Variants in CDC42BPA observed in about 807,000 individuals in gnomAD.
CDC42BPA encodes the protein CDC42 binding protein kinase alpha.
Under a neutral mutation model 223.5 loss-of-function variants are expected in CDC42BPA, and 80 were observed. The observed-to-expected ratio is 0.36, with a 90% confidence interval of 0.30 to 0.43. CDC42BPA has a LOEUF of 0.43. Ranked by LOEUF, CDC42BPA falls within the 20% of genes least tolerant of loss-of-function variation. The pLI, the probability that CDC42BPA is intolerant of heterozygous loss-of-function variation, is 1.00. For missense variants in CDC42BPA, 1,743 were observed against 2,099.9 expected, an observed-to-expected ratio of 0.83 and a Z score of 3.32; for synonymous variants, 694 against 718.6, an observed-to-expected ratio of 0.97 and a Z score of 0.55.
chr1:227,020,160 T>A (rs1418434136), intron 32 of CDC42BPA, among the ~76,000 whole-genome samples: 1 of 152,184 alleles, frequency 6.6e-6, no homozygotes, highest in Non-Finnish European at 1.5e-5. Flanking sequence ...CCTCCCAAAG[T>A]GCTGGGATTA....
chr1:227,311,284 A>T (rs1247293180), intron 1 of CDC42BPA, among the ~76,000 whole-genome samples: 2 of 152,222 alleles, frequency 1.3e-5, no homozygotes, highest in African/African-American at 4.8e-5. Context: ...TCCTGAGCCC[A>T]GGAGGTTGAG....
chr1:227,231,610 G>C (rs1677976735), intron 2 of CDC42BPA, among the ~76,000 whole-genome samples: 1 of 151,250 alleles, frequency 6.6e-6, no homozygotes, highest in East Asian at 1.9e-4. Flanking sequence ...CAGTGTAAAA[G>C]CGTTCCTATT....
chr1:227,259,416 T>C (rs1440732881), intron 1 of CDC42BPA, among the ~76,000 whole-genome samples: 1 of 150,928 alleles, frequency 6.6e-6, no homozygotes. Context: ...ACAAAGCAGA[T>C]GCATAGAGAA....
intron 10 of CDC42BPA, among the ~76,000 whole-genome samples, chr1:227,133,025 G>A (rs1321433537): frequency 1.3e-5 from 2 of 150,624 alleles, no homozygotes; most frequent in East Asian, 2.0e-4. Flanking sequence ...CAGCCACCCC[G>A]TCCGGGAGGG....
chr1:227,133,023 C>A (rs1404273245), intron 10 of CDC42BPA, among the ~76,000 whole-genome samples: 1 of 151,824 alleles, frequency 6.6e-6, no homozygotes, highest in Non-Finnish European at 1.5e-5. Context: ...GGCAGCCACC[C>A]CGTCCGGGAG....
At chr1:227,065,981 C>A (rs1234229082) in intron 21 of CDC42BPA, among the ~76,000 whole-genome samples, 2 of 152,056 alleles carry the variant, frequency 1.3e-5, no homozygotes, top group African/African-American at 4.8e-5. Flanking sequence ...AAAGAATGTC[C>A]AGAAGGATGT....
intron 5 of CDC42BPA, among the ~76,000 whole-genome samples, chr1:227,161,190 A>G (rs1663824674): frequency 1.3e-5 from 2 of 152,246 alleles, no homozygotes; most frequent in Non-Finnish European, 2.9e-5. Flanking sequence ...TTGGATGTTA[A>G]GTCAATGGTG....
rs544578672 is a variant in CDC42BPA, at chr1:227,245,864, T to C, written c.270+8200A>G. ...GGCCTTGAGGTCTGAGACTACTTGC[T>C]TCAAAGGAGACCCAGCACATTCCCA... On this transcript the variant is annotated intron_variant, in intron 2 of 36. Coordinates refer to ENST00000366766, the MANE Select transcript of CDC42BPA (RefSeq NM_001394014.1). 2.0e-5 allele frequency among the ~76,000 whole-genome samples: 3 copies of C among 152,308 alleles called. No individual in the cohort carries two copies. In the East Asian group the frequency reaches 5.8e-4, roughly 29 times the overall value.
At chr1:227,018,817 A>G (rs1359633220) in intron 32 of CDC42BPA, among the ~76,000 whole-genome samples, 1 of 152,124 alleles carries the variant, frequency 6.6e-6, no homozygotes, top group Non-Finnish European at 1.5e-5. Context: ...GTGCAACAGT[A>G]CGTGTCTAAA....
chr1:227,033,970 T>C (rs542368524), intron 26 of CDC42BPA, among the ~76,000 whole-genome samples: 3 of 152,350 alleles, frequency 2.0e-5, no homozygotes, highest in Non-Finnish European at 4.4e-5. Flanking sequence ...CAATATTTCT[T>C]GCATCTATCC....
chr1:227,146,689 GTC>G (rs1159281259), intron 7 of CDC42BPA, among the ~76,000 whole-genome samples: 1 of 152,054 alleles, frequency 6.6e-6, no homozygotes, highest in African/African-American at 2.4e-5. Flanking sequence ...CTTGTTGTGT[GTC>G]TGTGTTGCTT....
intron 11 of CDC42BPA, among the ~76,000 whole-genome samples, chr1:227,125,448 C>A (rs576261107): frequency 6.6e-6 from 1 of 151,692 alleles, no homozygotes; most frequent in East Asian, 1.9e-4. Flanking sequence ...CCCGTCTCTA[C>A]TAAAAATACA....
intron 1 of CDC42BPA, among the ~76,000 whole-genome samples, chr1:227,304,111 A>G (rs4653817): frequency 0.098 from 14,861 of 152,246 alleles, 1,160 homozygotes; most frequent in East Asian, 0.36. Context: ...ATAAGAAATC[A>G]CTTTTGACCA....
intron 1 of CDC42BPA, among the ~76,000 whole-genome samples, chr1:227,260,524 T>G (rs1683851369): frequency 6.7e-6 from 1 of 149,448 alleles, no homozygotes. Flanking sequence ...GAACATAGAT[T>G]GCAAGCCACT....
At chr1:227,272,584 G>T (rs1371496582) in intron 1 of CDC42BPA, among the ~76,000 whole-genome samples, 2 of 152,116 alleles carry the variant, frequency 1.3e-5, no homozygotes, top group Non-Finnish European at 2.9e-5. Flanking sequence ...TTGGGCAAAT[G>T]TGTAAGGTGT....
intron 1 of CDC42BPA, among the ~76,000 whole-genome samples, chr1:227,258,785 T>C (rs749474485): frequency 5.3e-4 from 80 of 151,158 alleles, no homozygotes; most frequent in Admixed American, 3.1e-3. Flanking sequence ...CAAAGATATG[T>C]TCTTAAAAAT....
intron 2 of CDC42BPA, among the ~76,000 whole-genome samples, chr1:227,216,738 T>C (rs1674927407): frequency 6.6e-6 from 1 of 152,228 alleles, no homozygotes; most frequent in Non-Finnish European, 1.5e-5. Context: ...TCTGTTAAAA[T>C]GTCCTTTCTT....
intron 35 of CDC42BPA, among the ~76,000 whole-genome samples, chr1:226,998,714 C>T (rs987113011): frequency 2.0e-5 from 3 of 152,152 alleles, no homozygotes; most frequent in African/African-American, 7.2e-5. Context: ...CTAGGCAATA[C>T]CATCGAGGAC....
At chr1:227,233,284 A>C (rs2090010) in intron 2 of CDC42BPA, among the ~76,000 whole-genome samples, 76,788 of 151,848 alleles carry the variant, frequency 0.51, 19,501 homozygotes, top group South Asian at 0.58. Flanking sequence ...TGATCCGCCC[A>C]CCTTGGCCTC....
Sources: gnomAD v4.1 joint callset for allele counts (sites outside exome capture counted in the v4.1 genomes callset) on GRCh38, gnomAD v4.1.1 for gene constraint, MANE v1.5 for transcripts, NCBI Gene and HGNC (gene_info 2026-07-23, HGNC 2026-07-21) for gene names.